TRPM3: variants seen among roughly 807,000 people sequenced by gnomAD.
The protein encoded by TRPM3 is transient receptor potential cation channel subfamily M member 3, also known as long transient receptor potential channel 3.
TRPM3 carries 77 observed loss-of-function variants against 181.2 expected under a neutral mutation model. The observed-to-expected ratio is 0.42, with a 90% confidence interval of 0.35 to 0.51. TRPM3 has a LOEUF of 0.51. Among genes scored for constraint, TRPM3 ranks in the 20% least tolerant of loss-of-function variants. The pLI is 0.01. For synonymous variants in TRPM3, 745 were observed against 796.4 expected (o/e 0.94, Z 1.09); for missense variants, 1,759 against 2,196.7 (o/e 0.80, Z 3.98).
intron 1 of TRPM3, among the ~76,000 whole-genome samples, chr9:71,293,807 A>G (rs1193023597): frequency 2.0e-5 from 3 of 152,028 alleles, no homozygotes. Flanking sequence ...TTATAAAACT[A>G]TAACAATGAT....
At chr9:70,548,541 A>C (rs908296249) in intron 25 of TRPM3, among the ~76,000 whole-genome samples, 8 of 152,228 alleles carry the variant, frequency 5.3e-5, no homozygotes, top group Non-Finnish European at 1.2e-4. Context: ...GACTGCCTTG[A>C]ATCTTAAAAG....
intron 1 of TRPM3, among the ~76,000 whole-genome samples, chr9:71,049,523 C>A (rs1170314151): frequency 6.6e-6 from 1 of 151,962 alleles, no homozygotes; most frequent in Non-Finnish European, 1.5e-5. Context: ...GTACTTAAAC[C>A]AAATTAACCA....
chr9:71,056,994 T>C (rs2060744964), intron 1 of TRPM3, among the ~76,000 whole-genome samples: 1 of 152,032 alleles, frequency 6.6e-6, no homozygotes, highest in Non-Finnish European at 1.5e-5. Flanking sequence ...TCCTGAAATT[T>C]GATGACAAGC....
chr9:71,215,401 A>T (rs2079803805), intron 1 of TRPM3, among the ~76,000 whole-genome samples: 1 of 152,154 alleles, frequency 6.6e-6, no homozygotes, highest in Non-Finnish European at 1.5e-5. Context: ...TGCAAAGTTA[A>T]GTTAGACTTG....
intron 1 of TRPM3, among the ~76,000 whole-genome samples, chr9:70,976,005 CT>C (rs1238517072): frequency 1.3e-5 from 2 of 152,170 alleles, no homozygotes; most frequent in African/African-American, 4.8e-5. Flanking sequence ...CCCCCAGCCC[CT>C]ATCTCCATTC....
chr9:70,664,657 T>G (rs1404902655), intron 9 of TRPM3, among the ~76,000 whole-genome samples: 2,554 of 97,256 alleles, frequency 0.026, 116 homozygotes, highest in African/African-American at 0.095. Flanking sequence ...TTTTTTTTTT[T>G]TTTTTTTTTT....
At chr9:70,579,910 G>A (rs528114715) in intron 22 of TRPM3, among the ~76,000 whole-genome samples, 2 of 152,234 alleles carry the variant, frequency 1.3e-5, no homozygotes, top group East Asian at 3.9e-4. Context: ...GCTGGCTTCT[G>A]GCTGCTCAGG....
intron 22 of TRPM3, among the ~76,000 whole-genome samples, chr9:70,553,593 C>A (rs1216967749): frequency 2.6e-5 from 4 of 152,084 alleles, no homozygotes; most frequent in Non-Finnish European, 1.5e-5. Context: ...GCCGCTAGGC[C>A]CCTACACCGG....
intron 4 of TRPM3, among the ~76,000 whole-genome samples, chr9:70,844,182 CTG>C (rs1234438981): frequency 1.3e-5 from 2 of 152,164 alleles, no homozygotes; most frequent in Non-Finnish European, 2.9e-5. Flanking sequence ...GGCTCAGACA[CTG>C]TGCGCTAAAC....
At chr9:70,917,439 G>A in intron 1 of TRPM3, 1 of 792,728 alleles carries the variant, frequency 1.3e-6, no homozygotes, top group Non-Finnish European at 2.3e-6. Flanking sequence ...AACTCGGCCA[G>A]ACTGGAGTGG....
chr9:70,784,127 G>T lies in TRPM3; in HGVS notation c.1126C>A (p.His376Asn), dbSNP rs1278188207. 6.2e-7 allele frequency: 1 copy of T among 1,613,336 alleles called. No individual in the cohort carries two copies. The highest frequency in any genetic ancestry group is 1.3e-5 in the African/African-American group (1 of 74,812). Residue 376 changes from histidine (H) to asparagine (N), a missense_variant, in exon 7 of 26, where the codon CAT (histidine) becomes AAT (asparagine). His to Asn is a moderately conservative substitution (Grantham distance 68). Coordinates refer to ENST00000677713, the MANE Select transcript of TRPM3 (RefSeq NM_001366145.2). ...GRASDILAFG[H>N]KYSEEGGLIN... ...TACCCGCCTTCTTCTGAGTATTTATGCCCAAAGGCCAGGATGTCCGATGCC... is the reference window on the plus strand; with the variant it reads ...TACCCGCCTTCTTCTGAGTATTTATTCCCAAAGGCCAGGATGTCCGATGCC...
intron 9 of TRPM3, among the ~76,000 whole-genome samples, chr9:70,668,683 A>G (rs1349492832): frequency 6.7e-6 from 1 of 149,926 alleles, no homozygotes; most frequent in East Asian, 1.9e-4. Flanking sequence ...AAAAAAAAAA[A>G]AAAAAAAAAA....
chr9:71,233,172 C>G (rs2081170341), intron 1 of TRPM3, among the ~76,000 whole-genome samples: 1 of 152,152 alleles, frequency 6.6e-6, no homozygotes, highest in Non-Finnish European at 1.5e-5. Context: ...CACTAATAAA[C>G]CCAATAAGGA....
rs536211012 is a variant in TRPM3 at position 70,546,646 on chromosome 9, C to A, written c.3707+2896G>T. 2.8e-5 allele frequency among the ~76,000 whole-genome samples: 4 copies of A among 145,048 alleles called. No individual in the cohort carries two copies. In the South Asian group the frequency reaches 8.7e-4, roughly 32 times the overall value. On this transcript the variant is annotated intron_variant, in intron 25 of 25. Transcript: ENST00000677713. Reference sequence around the variant, plus strand: ...AGAACAGGCTTCAAGAATTGGTTATCTTCAGCCAAGAGTCCACAACTCCTC... The same window carrying A: ...AGAACAGGCTTCAAGAATTGGTTATATTCAGCCAAGAGTCCACAACTCCTC...
intron 7 of TRPM3, chr9:70,773,946 T>G (rs2080857872): frequency 6.6e-6 from 1 of 152,266 alleles, no homozygotes; most frequent in Non-Finnish European, 1.5e-5. Flanking sequence ...ATTTTGGCTT[T>G]ATTTCAGTTC....
chr9:70,792,934 A>AAT (rs553833710), intron 6 of TRPM3, among the ~76,000 whole-genome samples: 49 of 152,150 alleles, frequency 3.2e-4, no homozygotes, highest in African/African-American at 6.5e-4. Flanking sequence ...AATACAACTG[A>AAT]ATATATATAT....
chr9:71,083,148 T>C (rs1565156011), intron 1 of TRPM3, among the ~76,000 whole-genome samples: 1 of 152,052 alleles, frequency 6.6e-6, no homozygotes, highest in East Asian at 1.9e-4. Flanking sequence ...TCTTGGAACA[T>C]ACAGAGATTG....
chr9:70,687,937 T>C lies in TRPM3; in HGVS notation c.1273-6359A>G, dbSNP rs374173794. On this transcript the variant is annotated intron_variant, in intron 8 of 25. Coordinates refer to ENST00000677713, the MANE Select transcript of TRPM3 (RefSeq NM_001366145.2). Reference sequence around the variant, plus strand: ...CCCTGCCTTCATAGAACCTGCCTTCTAGAAAGGGAAGACAGAGCAAAAGTA... The same window carrying C: ...CCCTGCCTTCATAGAACCTGCCTTCCAGAAAGGGAAGACAGAGCAAAAGTA... Among the ~76,000 whole-genome samples, 207 of 152,340 alleles carry C rather than the reference T, an allele frequency of 1.4e-3. 3 individuals carry two copies. In the South Asian group the frequency reaches 0.02, roughly 14 times the overall value.
chr9:71,027,907 A>G (rs1482217840), intron 1 of TRPM3, among the ~76,000 whole-genome samples: 1 of 152,210 alleles, frequency 6.6e-6, no homozygotes, highest in Non-Finnish European at 1.5e-5. Flanking sequence ...GATTTCAGCC[A>G]TGAAAACTTC....
Sources: gnomAD v4.1 joint callset for allele counts (sites outside exome capture counted in the v4.1 genomes callset) on GRCh38, gnomAD v4.1.1 for gene constraint, MANE v1.5 for transcripts, NCBI Gene and HGNC (gene_info 2026-07-23, HGNC 2026-07-21) for gene names.